The following EVX2 variants were observed in gnomAD, a reference collection of about 807,000 sequenced individuals.
EVX2 encodes the protein even-skipped homeobox 2, also known as homeobox even-skipped homolog protein 2.
Under a neutral mutation model 19.2 loss-of-function variants are expected in EVX2, and 10 were observed. That is an observed-to-expected ratio of 0.52 (90% confidence interval 0.32 to 0.89). The LOEUF is 0.89. Ranked by LOEUF, EVX2 falls within the 40% of genes least tolerant of loss-of-function variation. The pLI, the probability that EVX2 is intolerant of heterozygous loss-of-function variation, is 0.03. For synonymous variants in EVX2, 354 were observed against 328.4 expected (o/e 1.08, Z -0.84); for missense variants, 710 against 694.9 (o/e 1.02, Z -0.24).
In EVX2 at chr2:176,083,960, C is replaced by G. The variant is rs1350606489; in HGVS notation, c.-184G>C. 6.7e-6 allele frequency: 4 copies of G among 595,086 alleles called. No individual in the cohort carries two copies. In the African/African-American group the frequency reaches 7.4e-5, roughly 11 times the overall value. 36.9% of individuals were successfully genotyped at this position (595,086 alleles called of 1,614,324 possible). A position where few individuals can be genotyped will look rare whatever the true frequency, so the allele number is the denominator to read the frequency against. Reference sequence around the variant, plus strand: ...TGACTGGTCAAAATGACCCATACATCCTTCCGATCCCGAGATGTCATTCAT... The same window carrying G: ...TGACTGGTCAAAATGACCCATACATGCTTCCGATCCCGAGATGTCATTCAT... On this transcript the variant is annotated 5_prime_UTR_variant, in exon 1 of 3. Transcript: ENST00000308618. This position sits in a 1 kb window ranked among gnomAD's most constrained non-coding sequence, Gnocchi z 4.4.
In EVX2 at chr2:176,083,232, C is replaced by A; in HGVS notation, c.427+118G>T. 1 of 1,064,984 alleles carries A rather than the reference C, an allele frequency of 9.4e-7. No homozygotes were observed. The highest frequency in any genetic ancestry group is 1.3e-6 in the Non-Finnish European group (1 of 744,908). 66.0% of individuals were successfully genotyped at this position (1,064,984 alleles called of 1,614,324 possible). Reference sequence around the variant, plus strand: ...CGTCCCGCCCCCGCCCGTGCTAGCTCGGTGTAGCTTGCCTGTGGAGGGTCT... The same window carrying A: ...CGTCCCGCCCCCGCCCGTGCTAGCTAGGTGTAGCTTGCCTGTGGAGGGTCT... On this transcript the variant is annotated intron_variant, in intron 1 of 2. Coordinates refer to ENST00000308618, the MANE Select transcript of EVX2 (RefSeq NM_001080458.2). The surrounding 1 kb of genome is among the most constrained non-coding windows in gnomAD (Gnocchi z 4.4).
At position 176,082,545 on chromosome 2, in the gene EVX2, A is replaced by C. The variant is rs377320983; in HGVS notation, c.428-96T>G. 9.8e-4 allele frequency: 1,384 copies of C among 1,410,852 alleles called. 7 individuals are homozygous for C. In the East Asian group the frequency reaches 0.011, roughly 12 times the overall value. 87.4% of individuals were successfully genotyped at this position (1,410,852 alleles called of 1,614,324 possible). On this transcript the variant is annotated intron_variant, in intron 1 of 2. Transcript: ENST00000308618. The surrounding 1 kb of genome is among the most constrained non-coding windows in gnomAD (Gnocchi z 5.2). ...GATCGGGGAAGCCCCGTCAGGAAGG[A>C]GAGTCGCTGCCGGAATTGATGGGGT...
Position 176,079,975 on chromosome 2 carries a change from C to T in EVX2, c.*132G>A. 9.6e-7 allele frequency: 1 copy of T among 1,044,250 alleles called. No homozygotes were observed. The highest frequency in any genetic ancestry group is 1.2e-6 in the Non-Finnish European group (1 of 800,784). The allele number at this position is 1,044,250 out of a possible 1,614,324, so 64.7% of individuals were successfully genotyped here. On this transcript the variant is annotated 3_prime_UTR_variant, in exon 3 of 3. Coordinates refer to ENST00000308618, the MANE Select transcript of EVX2 (RefSeq NM_001080458.2). The surrounding 1 kb of genome is among the most constrained non-coding windows in gnomAD (Gnocchi z 4.4). The stretch of plus-strand genomic sequence containing the variant: ...CAATTCGGAGCAGGTTCCCTTCGGC[C>T]TCCCGCGCCCCGGGGCGCCCCCTGG...
rs566194935 is a variant in EVX2, at chr2:176,082,602, G to A, written c.428-153C>T. ...TGCTTACAAATTGCTGCCGTTAATG[G>A]AATCAATAAAGTTTGGGGAGCCCTT... On this transcript the variant is annotated intron_variant, in intron 1 of 2. Coordinates refer to ENST00000308618, the MANE Select transcript of EVX2 (RefSeq NM_001080458.2). This position sits in a 1 kb window ranked among gnomAD's most constrained non-coding sequence, Gnocchi z 5.2. Among the ~76,000 whole-genome samples, 25 of 152,374 alleles carry A rather than the reference G, an allele frequency of 1.6e-4. No individual in the cohort carries two copies. The highest frequency in any genetic ancestry group is 6.5e-4 in the Admixed American group (10 of 15,312).
At position 176,080,281 on chromosome 2, in the gene EVX2, A is replaced by G. The variant is rs1197853839; in HGVS notation, c.1257T>C (p.Gly419=). The change falls in exon 3 of 3, where the codon GGT becomes GGC. Residue 419 remains glycine, a synonymous_variant. Coordinates refer to ENST00000308618, the MANE Select transcript of EVX2 (RefSeq NM_001080458.2). The surrounding 1 kb of genome is among the most constrained non-coding windows in gnomAD (Gnocchi z 7.0). ...LGSRGGGGGG[G]GGGGGGGGGA... ...CCCCGCCGCCGCCGCCACCACCACC[A>G]CCGCCGCCGCCACCGCCACCCCGGG... The G allele has an allele frequency of 4.3e-4, 543 of 1,267,480 alleles. No individual in the cohort carries two copies. The highest frequency in any genetic ancestry group is 5.1e-4 in the Non-Finnish European group (515 of 1,000,012). The allele number at this position is 1,267,480 out of a possible 1,614,324, so 78.5% of individuals were successfully genotyped here. A position where few individuals can be genotyped will look rare whatever the true frequency, so the allele number is the denominator to read the frequency against.
rs1376288047 is a variant in EVX2, at chr2:176,081,183, G to A, written c.700-345C>T. 6.6e-6 allele frequency among the ~76,000 whole-genome samples: 1 copy of A among 152,114 alleles called. No homozygotes were observed. Among genetic ancestry groups the A allele is most frequent in the African/African-American group, 2.4e-5 (1 of 41,418 alleles). On this transcript the variant is annotated intron_variant, in intron 2 of 2. Coordinates refer to ENST00000308618, the MANE Select transcript of EVX2 (RefSeq NM_001080458.2). This position sits in a 1 kb window ranked among gnomAD's most constrained non-coding sequence, Gnocchi z 5.9. ...CCAGTGCCGGTCTCGCTGAGCACCC[G>A]TCTCTCAATCCCAGGATTTGTACGG... is the stretch of plus-strand genomic sequence containing the variant.
At position 176,082,262 on chromosome 2, in the gene EVX2, C is replaced by A. The variant is rs771361655; in HGVS notation, c.615G>T (p.Lys205Asn). 2 of 1,603,342 alleles carry A rather than the reference C, an allele frequency of 1.2e-6. No homozygotes were observed. The highest frequency in any genetic ancestry group is 1.7e-6 in the Non-Finnish European group (2 of 1,179,104). ...ACACATAGTTCTCCCGGTAGAACTC[C>A]TTCTCCAGGCGCGCGATCTGCTCGC... ...FTREQIARLE[K>N]EFYRENYVSR... Residue 205 changes from lysine (K) to asparagine (N), a missense_variant, in exon 2 of 3, where the codon AAG becomes AAT. Transcript: ENST00000308618. The surrounding 1 kb of genome is among the most constrained non-coding windows in gnomAD (Gnocchi z 5.2).
Position 176,083,564 on chromosome 2 carries a change from G to C in EVX2, c.213C>G (p.Phe71Leu). 6.2e-7 allele frequency: 1 copy of C among 1,614,128 alleles called. No individual in the cohort carries two copies. Among genetic ancestry groups the C allele is most frequent in the Non-Finnish European group, 8.5e-7 (1 of 1,180,034 alleles). Residue 71 changes from phenylalanine to leucine, a missense_variant, in exon 1 of 3, where the codon TTC (phenylalanine) becomes TTG (leucine). Physicochemically the swap from Phe to Leu is conservative, Grantham distance 22. Transcript: ENST00000308618. This position sits in a 1 kb window ranked among gnomAD's most constrained non-coding sequence, Gnocchi z 4.4. The stretch of plus-strand genomic sequence containing the variant: ...GCAGGTTGAACAAAGTGTCTATTTC[G>C]AATTTGCCCTTGGCGGGGAGTTCTC... ...ALGELPAKGK[F>L]EIDTLFNLQH...
rs757814311 is a variant in EVX2, at chr2:176,083,514, A to G, written c.263T>C (p.Val88Ala). 45 of 1,613,738 alleles carry G rather than the reference A, an allele frequency of 2.8e-5. No individual in the cohort carries two copies. The highest frequency in any genetic ancestry group is 3.6e-5 in the Non-Finnish European group (42 of 1,179,984). The stretch of plus-strand genomic sequence containing the variant: ...GGCGGCGGAGGAGATTTCGGAGGAG[A>G]CGGTGCTTTCGCTGCCCGTGTGCTG... The part of the protein sequence containing the change: ...NLQHTGSEST[V>A]SSEISSAAES... The change falls in exon 1 of 3, where the codon GTC (valine) becomes GCC (alanine). Residue 88 changes from valine (V) to alanine (A), a missense_variant. Physicochemically the swap from Val to Ala is moderately conservative, Grantham distance 64 (BLOSUM62 0). Coordinates refer to ENST00000308618, the MANE Select transcript of EVX2 (RefSeq NM_001080458.2). The surrounding 1 kb of genome is among the most constrained non-coding windows in gnomAD (Gnocchi z 4.4).
chr2:176,078,625 C>T lies in EVX2; in HGVS notation c.*1482G>A, dbSNP rs1183050277. 1 of 152,204 alleles carries T rather than the reference C, an allele frequency of 6.6e-6. No individual in the cohort carries two copies. The highest frequency in any genetic ancestry group is 1.5e-5 in the Non-Finnish European group (1 of 68,016). The allele number at this position is 152,204 out of a possible 1,614,324, so 9.4% of individuals were successfully genotyped here. ...AACGTGGCTTTCTTCTGCGAAATCA[C>T]TTCAGGTAACAGAGATAACATTAAA... On this transcript the variant is annotated 3_prime_UTR_variant, in exon 3 of 3. Coordinates refer to ENST00000308618, the MANE Select transcript of EVX2 (RefSeq NM_001080458.2).
chr2:176,079,956 G>A lies in EVX2; in HGVS notation c.*151C>T. The A allele has an allele frequency of 1.3e-6, 1 of 792,088 alleles. No individual in the cohort carries two copies. The highest frequency in any genetic ancestry group is 1.8e-6 in the Non-Finnish European group (1 of 569,036). The allele number at this position is 792,088 out of a possible 1,614,324, so 49.1% of individuals were successfully genotyped here. Reference sequence around the variant, plus strand: ...GCGCCTGCTCCTTCTCCCCCAATTCGGAGCAGGTTCCCTTCGGCCTCCCGC... The same window carrying A: ...GCGCCTGCTCCTTCTCCCCCAATTCAGAGCAGGTTCCCTTCGGCCTCCCGC... On this transcript the variant is annotated 3_prime_UTR_variant, in exon 3 of 3. Transcript: ENST00000308618. The surrounding 1 kb of genome is among the most constrained non-coding windows in gnomAD (Gnocchi z 4.4).
rs768525510 is a variant in EVX2, at chr2:176,083,532, G to A, written c.245C>T (p.Thr82Met). The part of the protein sequence containing the change: ...EIDTLFNLQH[T>M]GSESTVSSEI... ...GGAGGAGACGGTGCTTTCGCTGCCC[G>A]TGTGCTGCAGGTTGAACAAAGTGTC... is the stretch of plus-strand genomic sequence containing the variant. Residue 82 changes from threonine to methionine, a missense_variant, in exon 1 of 3, where the codon ACG becomes ATG. Transcript: ENST00000308618. This position sits in a 1 kb window ranked among gnomAD's most constrained non-coding sequence, Gnocchi z 4.4. The A allele has an allele frequency of 6.2e-7, 1 of 1,614,178 alleles. No homozygotes were observed. The highest frequency in any genetic ancestry group is 8.5e-7 in the Non-Finnish European group (1 of 1,180,046).
rs561233522 is a variant in EVX2 at position 176,078,036 on chromosome 2, G to A, written c.*2071C>T. The A allele has an allele frequency of 3.0e-4, 45 of 152,170 alleles. 1 individual carries two copies. The highest frequency in any genetic ancestry group is 1.2e-3 in the East Asian group (6 of 5,190). 9.4% of individuals were successfully genotyped at this position (152,170 alleles called of 1,614,324 possible). The stretch of plus-strand genomic sequence containing the variant: ...TATTTTAATAGACCCCAGGAATTTC[G>A]AAATACTGTTTCCCCTTTATGTATT... On this transcript the variant is annotated 3_prime_UTR_variant, in exon 3 of 3. Transcript: ENST00000308618.
chr2:176,080,122 A>G lies in EVX2; in HGVS notation c.1416T>C (p.Ala472=). The G allele has an allele frequency of 6.5e-7, 1 of 1,546,642 alleles. No individual in the cohort carries two copies. The highest frequency in any genetic ancestry group is 8.7e-7 in the Non-Finnish European group (1 of 1,150,900). ...AVSPPDQRDE[A]PLTR Reference sequence around the variant, plus strand: ...GGCGACGTAGTTATCTGGTGAGCGGAGCCTCGTCCCTCTGGTCCGGCGGGC... The same window carrying G: ...GGCGACGTAGTTATCTGGTGAGCGGGGCCTCGTCCCTCTGGTCCGGCGGGC... The change falls in exon 3 of 3, where the codon GCT becomes GCC. Residue 472 remains alanine, a synonymous_variant. Transcript: ENST00000308618. The surrounding 1 kb of genome is among the most constrained non-coding windows in gnomAD (Gnocchi z 7.0).
rs754084184 is a variant in EVX2 at position 176,082,428 on chromosome 2, G to A, written c.449C>T (p.Ala150Val). 1 of 1,566,114 alleles carries A rather than the reference G, an allele frequency of 6.4e-7. No homozygotes were observed. Among genetic ancestry groups the A allele is most frequent in the Non-Finnish European group, 8.6e-7 (1 of 1,159,740 alleles). Residue 150 changes from alanine (A) to valine (V), a missense_variant, in exon 2 of 3, where the codon GCT (alanine) becomes GTT (valine). Coordinates refer to ENST00000308618, the MANE Select transcript of EVX2 (RefSeq NM_001080458.2). This position sits in a 1 kb window ranked among gnomAD's most constrained non-coding sequence, Gnocchi z 5.2. Reference sequence around the variant, plus strand: ...CGACGCCGACGTCGTGGTGCCGGCAGCCGAGCCGCTCTCTGCGTACCCTGG... The same window carrying A: ...CGACGCCGACGTCGTGGTGCCGGCAACCGAGCCGCTCTCTGCGTACCCTGG... ...NGKGYAESGS[A>V]AGTTTSASGS... is the part of the protein sequence containing the mutation.
At position 176,081,301 on chromosome 2, in the gene EVX2, G is replaced by A. The variant is rs971631234; in HGVS notation, c.700-463C>T. ...TGAGCCCTCCGAACTGCAAGGACCT[G>A]CCCCTAGGGGCACGGGTCCGATTTT... On this transcript the variant is annotated intron_variant, in intron 2 of 2. Transcript: ENST00000308618. This position sits in a 1 kb window ranked among gnomAD's most constrained non-coding sequence, Gnocchi z 5.9. Among the ~76,000 whole-genome samples, 21 of 152,166 alleles carry A rather than the reference G, an allele frequency of 1.4e-4. No homozygotes were observed. Among genetic ancestry groups the A allele is most frequent in the African/African-American group, 4.6e-4 (19 of 41,450 alleles).
Position 176,083,234 on chromosome 2 carries a change from G to A in EVX2, c.427+116C>T, listed in dbSNP as rs1470565679. ...TCCCGCCCCCGCCCGTGCTAGCTCG[G>A]TGTAGCTTGCCTGTGGAGGGTCTGA... On this transcript the variant is annotated intron_variant, in intron 1 of 2. Transcript: ENST00000308618. This position sits in a 1 kb window ranked among gnomAD's most constrained non-coding sequence, Gnocchi z 4.4. The A allele has an allele frequency of 3.7e-6, 4 of 1,091,762 alleles. No individual in the cohort carries two copies. The highest frequency in any genetic ancestry group is 3.0e-4 in the Middle Eastern group (1 of 3,324). The allele number at this position is 1,091,762 out of a possible 1,614,324, so 67.6% of individuals were successfully genotyped here.
At position 176,083,313 on chromosome 2, in the gene EVX2, A is replaced by T. The variant is rs1689174006; in HGVS notation, c.427+37T>A. The T allele has an allele frequency of 6.5e-7, 1 of 1,539,112 alleles. No homozygotes were observed. Among genetic ancestry groups the T allele is most frequent in the African/African-American group, 1.4e-5 (1 of 72,634 alleles). The stretch of plus-strand genomic sequence containing the variant: ...CGGGGGCCGCGGAGGAGCAAAGAGG[A>T]TGGGACTGGAGAGCGCGGTGCGGCC... On this transcript the variant is annotated intron_variant, in intron 1 of 2. Coordinates refer to ENST00000308618, the MANE Select transcript of EVX2 (RefSeq NM_001080458.2). The surrounding 1 kb of genome is among the most constrained non-coding windows in gnomAD (Gnocchi z 4.4).
Position 176,080,636 on chromosome 2 carries a change from G to A in EVX2, c.902C>T (p.Ala301Val), listed in dbSNP as rs777332878. 6.4e-6 allele frequency: 10 copies of A among 1,555,532 alleles called. No homozygotes were observed. In the Admixed American group the frequency reaches 2.0e-4, roughly 31 times the overall value. Residue 301 changes from alanine (A) to valine (V), a missense_variant, in exon 3 of 3, where the codon GCC becomes GTC. Transcript: ENST00000308618. The surrounding 1 kb of genome is among the most constrained non-coding windows in gnomAD (Gnocchi z 7.0). ...CGAAGCCGCGGCCGCCGCGCCTGAG[G>A]CTGCAGCCGCGGCCGCCGCCGCCGT... ...GVTAAAAAAA[A>V]SGAAAAASSP...
Sources: allele counts gnomAD v4.1 joint callset (sites outside exome capture counted in the v4.1 genomes callset), GRCh38; gene constraint gnomAD v4.1.1; non-coding constraint Gnocchi (gnomAD v3.1); transcripts MANE v1.5; gene names NCBI Gene and HGNC (gene_info 2026-07-23, HGNC 2026-07-21).